UCN3: variants seen among roughly 807,000 people sequenced by gnomAD.
UCN3 encodes urocortin 3.
UCN3 carries 3 observed loss-of-function variants against 3.6 expected under a neutral mutation model. That is an observed-to-expected ratio of 0.83 (90% CI 0.38 to 2.15). The LOEUF (loss-of-function observed/expected upper bound fraction) is 2.15, where lower values mean the gene tolerates loss of function less well. Among genes scored for constraint, UCN3 ranks in the 30% most tolerant of loss-of-function variants. UCN3 has a pLI of 0.06. For synonymous variants in UCN3, 100 were observed against 93.2 expected, an observed-to-expected ratio of 1.07 and a Z score of -0.42; for missense variants, 206 against 208.3, an observed-to-expected ratio of 0.99 and a Z score of 0.07.
rs868936129 is a variant in UCN3, at chr10:5,370,283, A to G, written c.-6-3432A>G. Among the ~76,000 whole-genome samples the G allele has an allele frequency of 4.1e-3, 161 of 38,974 alleles. 1 individual carries two copies. Among genetic ancestry groups the G allele is most frequent in the Non-Finnish European group, 5.2e-3 (104 of 20,016 alleles). The allele number at this position is 38,974 out of a possible 152,430, so 25.6% of individuals were successfully genotyped here. On this transcript the variant is annotated intron_variant, in intron 1 of 1. Transcript: ENST00000380433. The stretch of plus-strand genomic sequence containing the variant: ...TATGCGTGTGTATATGCGTGTGTAT[A>G]TGCGTGTGTGTATGCGTGTGTATAT...
At chr10:5,372,449 A>C (rs569631716) in intron 1 of UCN3, among the ~76,000 whole-genome samples, 3 of 152,372 alleles carry the variant, frequency 2.0e-5, no homozygotes, top group Admixed American at 2.0e-4. Flanking sequence ...TGAACCAGCA[A>C]GAGTCTATGA....
chr10:5,370,226 CGTGTGTGTATGCGT>C lies in UCN3; in HGVS notation c.-6-3482_-6-3469del, dbSNP rs1831348914. 1.2e-3 allele frequency among the ~76,000 whole-genome samples: 5 copies of C among 4,064 alleles called. 1 individual carries two copies. The highest frequency in any genetic ancestry group is 1.9e-3 in the Non-Finnish European group (5 of 2,664). 2.7% of individuals were successfully genotyped at this position (4,064 alleles called of 152,430 possible). A position where few individuals can be genotyped will look rare whatever the true frequency, so the allele number is the denominator to read the frequency against. On this transcript the variant is annotated intron_variant, in intron 1 of 1. Transcript: ENST00000380433. The stretch of plus-strand genomic sequence containing the variant: ...ATGCGTGTGTATGTGTGTGTATGTG[CGTGTGTGTATGCGT>C]GTGTGTATGCGTGTGTATATGCGTG...
Position 5,373,760 on chromosome 10 carries a change from C to T in UCN3, c.40C>T (p.Leu14Phe), listed in dbSNP as rs1831460390. ...CCACTTCCTGCTGCTCCTGCTGCTG[C>T]TCCTGGGGGGCCCCAGGACAGGCCT... is the stretch of plus-strand genomic sequence containing the variant. The part of the protein sequence containing the change: ...PVHFLLLLLL[L>F]LGGPRTGLPH... Residue 14 changes from leucine (L) to phenylalanine (F), a missense_variant, in exon 2 of 2, where the codon CTC (leucine) becomes TTC (phenylalanine). Transcript: ENST00000380433. 1 of 1,613,924 alleles carries T rather than the reference C, an allele frequency of 6.2e-7. No homozygotes were observed. Among genetic ancestry groups the T allele is most frequent in the Non-Finnish European group, 8.5e-7 (1 of 1,179,886 alleles).
rs868914730 is a variant in UCN3, at chr10:5,370,068, T to C, written c.-6-3647T>C. On this transcript the variant is annotated intron_variant, in intron 1 of 1. Coordinates refer to ENST00000380433, the MANE Select transcript of UCN3 (RefSeq NM_053049.4). ...ATGCGTGTGTATGTGTGTGTATATGTGTGTATATGCGTGTGTATATGCGTG... is the reference window on the plus strand; with the variant it reads ...ATGCGTGTGTATGTGTGTGTATATGCGTGTATATGCGTGTGTATATGCGTG... Among the ~76,000 whole-genome samples the C allele has an allele frequency of 1.9e-4, 21 of 111,426 alleles. 2 individuals carry two copies. The highest frequency in any genetic ancestry group is 3.6e-4 in the South Asian group (1 of 2,806). The allele number at this position is 111,426 out of a possible 152,430, so 73.1% of individuals were successfully genotyped here.
chr10:5,367,869 G>A lies in UCN3; in HGVS notation c.-7+2639G>A, dbSNP rs1359682685. On this transcript the variant is annotated intron_variant, in intron 1 of 1. Coordinates refer to ENST00000380433, the MANE Select transcript of UCN3 (RefSeq NM_053049.4). The surrounding 1 kb of genome is among the most constrained non-coding windows in gnomAD (Gnocchi z 4.3). ...GGAGCAGGGAGGGGTTCCCTGGGCT[G>A]GGGTGCAGGGTTTGAGTGAGGAAGC... is the stretch of plus-strand genomic sequence containing the variant. Among the ~76,000 whole-genome samples, 1 of 152,194 alleles carries A rather than the reference G, an allele frequency of 6.6e-6. No individual in the cohort carries two copies. The highest frequency in any genetic ancestry group is 1.5e-5 in the Non-Finnish European group (1 of 68,036).
chr10:5,369,592 G>T (rs891163671), intron 1 of UCN3, among the ~76,000 whole-genome samples: 1 of 152,194 alleles, frequency 6.6e-6, no homozygotes, highest in East Asian at 1.9e-4. Context: ...TTCTCACTTC[G>T]CCAGGCAACA....
rs1162815921 is a variant in UCN3 at position 5,365,651 on chromosome 10, G to A, written c.-7+421G>A. ...CTCCACGCCGCCTGCAAAGCAGCGA[G>A]GACACCTGCACTTACTGTTTACCTG... is the stretch of plus-strand genomic sequence containing the variant. On this transcript the variant is annotated intron_variant, in intron 1 of 1. Transcript: ENST00000380433. The surrounding 1 kb of genome is among the most constrained non-coding windows in gnomAD (Gnocchi z 4.4). Among the ~76,000 whole-genome samples, 3 of 152,212 alleles carry A rather than the reference G, an allele frequency of 2.0e-5. No homozygotes were observed. Among genetic ancestry groups the A allele is most frequent in the African/African-American group, 4.8e-5 (2 of 41,446 alleles).
intron 1 of UCN3, among the ~76,000 whole-genome samples, chr10:5,370,499 ATATGCGTGTGTATATGTGTGTG>A (rs1831369826): frequency 1.5e-5 from 1 of 68,544 alleles, no homozygotes; most frequent in Non-Finnish European, 2.8e-5. Flanking sequence ...ATGTGTGTGT[ATATGCGTGTGTATATGTGTGTG>A]TATGTGTGTG....
At chr10:5,371,143 G>T (rs1342627837) in intron 1 of UCN3, among the ~76,000 whole-genome samples, 4 of 151,206 alleles carry the variant, frequency 2.6e-5, no homozygotes, top group African/African-American at 9.8e-5. Flanking sequence ...GTGTGCATAT[G>T]TGTGCATGTA....
intron 1 of UCN3, among the ~76,000 whole-genome samples, chr10:5,372,735 T>G (rs4075424): frequency 0.015 from 2,184 of 148,712 alleles, 23 homozygotes; most frequent in Non-Finnish European, 0.026. Context: ...TTTTTTTTTT[T>G]GTAGAGATGA....
In UCN3 at chr10:5,370,842, T is replaced by C. The variant is rs566152095; in HGVS notation, c.-6-2873T>C. Among the ~76,000 whole-genome samples the C allele has an allele frequency of 1.3e-4, 11 of 86,822 alleles. 1 individual carries two copies. The highest frequency in any genetic ancestry group is 3.5e-4 in the African/African-American group (7 of 19,968). 57.0% of individuals were successfully genotyped at this position (86,822 alleles called of 152,430 possible). A position where few individuals can be genotyped will look rare whatever the true frequency, so the allele number is the denominator to read the frequency against. ...GTGTGTGCGCGCGTGTGTGTGCGCG[T>C]GTGTGTGCGCGTGTGTGTGCGTGTG... On this transcript the variant is annotated intron_variant, in intron 1 of 1. Transcript: ENST00000380433.
Position 5,373,800 on chromosome 10 carries a change from A to C in UCN3, c.80A>C (p.Tyr27Ser). 1 of 1,613,734 alleles carries C rather than the reference A, an allele frequency of 6.2e-7. No homozygotes were observed. Among genetic ancestry groups the C allele is most frequent in the African/African-American group, 1.3e-5 (1 of 74,912 alleles). Reference sequence around the variant, plus strand: ...AGGACAGGCCTCCCCCACAAGTTCTACAAAGCCAAGCCCATCTTCAGCTGC... The same window carrying C: ...AGGACAGGCCTCCCCCACAAGTTCTCCAAAGCCAAGCCCATCTTCAGCTGC... ...GPRTGLPHKFYKAKPIFSCLN... is the reference protein window; with the variant it reads ...GPRTGLPHKFSKAKPIFSCLN... Residue 27 changes from tyrosine to serine, a missense_variant, in exon 2 of 2, where the codon TAC becomes TCC. Coordinates refer to ENST00000380433, the MANE Select transcript of UCN3 (RefSeq NM_053049.4).
At chr10:5,370,119 G>A (rs139910392) in intron 1 of UCN3, among the ~76,000 whole-genome samples, 961 of 49,814 alleles carry the variant, frequency 0.019, 122 homozygotes, top group East Asian at 0.045. Context: ...ATATGTGTGT[G>A]TATGTGTGTG....
rs1411352390 is a variant in UCN3 at position 5,370,925 on chromosome 10, GTA to G, written c.-6-2786_-6-2785del. Among the ~76,000 whole-genome samples the G allele has an allele frequency of 8.8e-5, 12 of 135,950 alleles. 1 individual carries two copies. In the South Asian group the frequency reaches 1.0e-3, roughly 11 times the overall value. The allele number at this position is 135,950 out of a possible 152,430, so 89.2% of individuals were successfully genotyped here. On this transcript the variant is annotated intron_variant, in intron 1 of 1. Transcript: ENST00000380433. The stretch of plus-strand genomic sequence containing the variant: ...TGTATATGCGTGTGTATATGCGTGT[GTA>G]TATGTGTGTTCATGTGTATGTGTGT...
In UCN3 at chr10:5,374,431, A is replaced by C; in HGVS notation, c.*225A>C. 1.9e-6 allele frequency: 1 copy of C among 537,984 alleles called. No individual in the cohort carries two copies. Among genetic ancestry groups the C allele is most frequent in the Non-Finnish European group, 3.3e-6 (1 of 301,332 alleles). The allele number at this position is 537,984 out of a possible 1,614,324, so 33.3% of individuals were successfully genotyped here. A position where few individuals can be genotyped will look rare whatever the true frequency, so the allele number is the denominator to read the frequency against. On this transcript the variant is annotated 3_prime_UTR_variant, in exon 2 of 2. Coordinates refer to ENST00000380433, the MANE Select transcript of UCN3 (RefSeq NM_053049.4). Reference sequence around the variant, plus strand: ...TACACACAGAAGTGCAGTATTGTCCAACCTTCCCAGACACAAAGCAGCTAA... The same window carrying C: ...TACACACAGAAGTGCAGTATTGTCCCACCTTCCCAGACACAAAGCAGCTAA...
intron 1 of UCN3, among the ~76,000 whole-genome samples, chr10:5,369,339 G>A (rs1254523665): frequency 6.6e-6 from 1 of 152,206 alleles, no homozygotes; most frequent in Admixed American, 6.5e-5. Context: ...AAGAAGACCT[G>A]GAGATTATTC....
intron 1 of UCN3, among the ~76,000 whole-genome samples, chr10:5,368,235 C>A (rs1483606320): frequency 6.6e-6 from 1 of 152,056 alleles, no homozygotes; most frequent in Non-Finnish European, 1.5e-5. Flanking sequence ...AACTCCTGAC[C>A]TCAGGTGATC....
chr10:5,370,320 T>C (rs1354056041), intron 1 of UCN3, among the ~76,000 whole-genome samples: 3 of 94,630 alleles, frequency 3.2e-5, no homozygotes, highest in African/African-American at 1.5e-4. Context: ...CGTGTATGTG[T>C]GTGTATATGC....
Position 5,373,729 on chromosome 10 carries a change from G to T in UCN3, c.9G>T (p.Met3Ile). 6.2e-7 allele frequency: 1 copy of T among 1,613,368 alleles called. No homozygotes were observed. The highest frequency in any genetic ancestry group is 1.1e-5 in the South Asian group (1 of 91,038). Residue 3 changes from methionine (M) to isoleucine (I), a missense_variant, in exon 2 of 2, where the codon ATG (methionine) becomes ATT (isoleucine). Transcript: ENST00000380433. ML[M>I]PVHFLLLLLL... Reference sequence around the variant, plus strand: ...TTCTGCTGCAGGGAGAGATGCTGATGCCGGTCCACTTCCTGCTGCTCCTGC... The same window carrying T: ...TTCTGCTGCAGGGAGAGATGCTGATTCCGGTCCACTTCCTGCTGCTCCTGC...
Sources: allele counts gnomAD v4.1 joint callset (sites outside exome capture counted in the v4.1 genomes callset), GRCh38; gene constraint gnomAD v4.1.1; non-coding constraint Gnocchi (gnomAD v3.1); transcripts MANE v1.5; gene names NCBI Gene and HGNC (gene_info 2026-07-23, HGNC 2026-07-21).